C5orf47: variants seen among roughly 807,000 people sequenced by gnomAD.
The protein encoded by C5orf47 is uncharacterized protein C5orf47.
A neutral mutation model predicts 20.6 loss-of-function variants in C5orf47; 20 were observed. The ratio of observed to expected loss-of-function variants is 0.97; its 90% CI spans 0.68 to 1.41. The LOEUF is 1.41. C5orf47 is among the 40% of genes most tolerant of loss of function. The pLI is 0.00. For missense variants in C5orf47, 262 were observed against 238.4 expected, an observed-to-expected ratio of 1.10 and a Z score of -0.65; for synonymous variants, 106 against 97.3, an observed-to-expected ratio of 1.09 and a Z score of -0.53.
Position 173,999,796 on chromosome 5 carries a change from G to C in C5orf47, c.508G>C (p.Glu170Gln). The change falls in exon 3 of 5, where the codon GAA becomes CAA. Residue 170 changes from glutamate (E) to glutamine (Q), a missense_variant. Physicochemically the swap from Glu to Gln is conservative, Grantham distance 29 (BLOSUM62 2). Coordinates refer to ENST00000340147, the MANE Select transcript of C5orf47 (RefSeq NM_001144954.2). The part of the protein sequence containing the change: ...HRLKCQRLSS[E>Q]SSNYTR ...GCTGAAATGCCAAAGGTTATCTAGT[G>C]AAAGTAAGTTAACACAATTTTTATT... 6.7e-7 allele frequency: 1 copy of C among 1,499,530 alleles called. No homozygotes were observed. The highest frequency in any genetic ancestry group is 9.0e-7 in the Non-Finnish European group (1 of 1,107,750). The allele number at this position is 1,499,530 out of a possible 1,614,324, so 92.9% of individuals were successfully genotyped here. A position where few individuals can be genotyped will look rare whatever the true frequency, so the allele number is the denominator to read the frequency against.
downstream of C5orf47, among the ~76,000 whole-genome samples, chr5:174,006,768 A>G (rs1026844612): frequency 3.9e-5 from 6 of 152,144 alleles, no homozygotes; most frequent in Non-Finnish European, 8.8e-5. Flanking sequence ...CTGCTGCAGT[A>G]GTATTCCAGT....
Position 174,001,339 on chromosome 5 carries a change from G to A in C5orf47, c.*16+108G>A. 7.6e-6 allele frequency: 5 copies of A among 654,198 alleles called. No homozygotes were observed. In the South Asian group the frequency reaches 1.0e-4, roughly 14 times the overall value. 40.5% of individuals were successfully genotyped at this position (654,198 alleles called of 1,614,324 possible). ...GTATAACCAATCATTGCTAATTCCA[G>A]CCTATTTCCTTTCTTAAATACAGTG... is the stretch of plus-strand genomic sequence containing the variant. On this transcript the variant is annotated intron_variant, in intron 4 of 4. Transcript: ENST00000340147.
chr5:174,002,055 G>A (rs1759208793), intron 4 of C5orf47, among the ~76,000 whole-genome samples: 1 of 150,890 alleles, frequency 6.6e-6, no homozygotes, highest in Admixed American at 6.6e-5. Context: ...CTGGACTCAA[G>A]TGATCCTCCC....
At position 173,989,239 on chromosome 5, in the gene C5orf47, C is replaced by A; in HGVS notation, c.-25C>A. On this transcript the variant is annotated 5_prime_UTR_variant, in exon 1 of 5. Transcript: ENST00000340147. Reference sequence around the variant, plus strand: ...CTGTGGCGTCGTGTTTGCTGAGGGCCCGGCTGCCGTTGACTGAGGCTGCGA... The same window carrying A: ...CTGTGGCGTCGTGTTTGCTGAGGGCACGGCTGCCGTTGACTGAGGCTGCGA... 2.2e-6 allele frequency: 3 copies of A among 1,372,794 alleles called. No individual in the cohort carries two copies. The highest frequency in any genetic ancestry group is 3.8e-4 in the Middle Eastern group (2 of 5,302). 85.0% of individuals were successfully genotyped at this position (1,372,794 alleles called of 1,614,324 possible).
chr5:174,008,822 CAA>C (rs57488841), downstream of C5orf47, among the ~76,000 whole-genome samples: 358 of 75,466 alleles, frequency 4.7e-3, 2 homozygotes, highest in African/African-American at 0.013. Flanking sequence ...GACTCCATCT[CAA>C]AAAAAAAAAA....
intron 1 of C5orf47, among the ~76,000 whole-genome samples, chr5:173,996,857 A>C (rs1292207662): frequency 1.3e-5 from 2 of 152,210 alleles, no homozygotes; most frequent in Admixed American, 1.3e-4. Context: ...TCTTAATAAC[A>C]TACTGGTACC....
At chr5:173,991,643 C>T (rs1346467602) in intron 1 of C5orf47, among the ~76,000 whole-genome samples, 1 of 151,982 alleles carries the variant, frequency 6.6e-6, no homozygotes, top group Admixed American at 6.5e-5. Context: ...TTGTACCAAC[C>T]TTGCATTCCT....
At chr5:174,008,772 G>T (rs1759329381), downstream of C5orf47, among the ~76,000 whole-genome samples, 3 of 149,766 alleles carry the variant, frequency 2.0e-5, no homozygotes, top group Admixed American at 1.3e-4. Flanking sequence ...GGCGGAGCTT[G>T]CAGTGAGCCA....
At chr5:174,002,018 A>G (rs1026092893) in intron 4 of C5orf47, among the ~76,000 whole-genome samples, 18 of 151,416 alleles carry the variant, frequency 1.2e-4, no homozygotes, top group African/African-American at 3.6e-4. Context: ...TAGTGACTCA[A>G]TCGTAGCCCA....
chr5:173,994,343 A>G lies in C5orf47; in HGVS notation c.326-3810A>G, dbSNP rs1472548873. ...GGCAGCAGACCACCAAACAGTGACC[A>G]TGAGCTTTTTTTGGTGCAAGTTAGG... is the stretch of plus-strand genomic sequence containing the variant. On this transcript the variant is annotated intron_variant, in intron 1 of 4. Coordinates refer to ENST00000340147, the MANE Select transcript of C5orf47 (RefSeq NM_001144954.2). 3.3e-5 allele frequency among the ~76,000 whole-genome samples: 5 copies of G among 152,190 alleles called. No homozygotes were observed. The South Asian group carries it at 6.2e-4, about 19-fold the overall frequency.
rs1343400676 is a variant in C5orf47, at chr5:174,004,342, T to C, written c.*88T>C. On this transcript the variant is annotated 3_prime_UTR_variant, in exon 5 of 5. Coordinates refer to ENST00000340147, the MANE Select transcript of C5orf47 (RefSeq NM_001144954.2). Reference sequence around the variant, plus strand: ...TAAAGATGAAACATTAAATGAATCATAATTATTTGTTAATTTTGATGTGTT... The same window carrying C: ...TAAAGATGAAACATTAAATGAATCACAATTATTTGTTAATTTTGATGTGTT... 3 of 152,230 alleles carry C rather than the reference T, an allele frequency of 2.0e-5. No homozygotes were observed. Among genetic ancestry groups the C allele is most frequent in the Non-Finnish European group, 4.4e-5 (3 of 68,016 alleles). The allele number at this position is 152,230 out of a possible 1,614,324, so 9.4% of individuals were successfully genotyped here.
rs1399894872 is a variant in C5orf47, at chr5:174,001,257, A to G, written c.*16+26A>G. The G allele has an allele frequency of 5.6e-6, 7 of 1,256,674 alleles. No homozygotes were observed. The Admixed American group carries it at 1.3e-4, about 23-fold the overall frequency. The allele number at this position is 1,256,674 out of a possible 1,614,324, so 77.8% of individuals were successfully genotyped here. A position where few individuals can be genotyped will look rare whatever the true frequency, so the allele number is the denominator to read the frequency against. ...GTAAGAATTTATTTACGTAATAATT[A>G]TGGAATATAGATTTTATTCCCTTCC... On this transcript the variant is annotated intron_variant, in intron 4 of 4. Coordinates refer to ENST00000340147, the MANE Select transcript of C5orf47 (RefSeq NM_001144954.2).
chr5:173,990,144 G>A (rs916970081), intron 1 of C5orf47, among the ~76,000 whole-genome samples: 1 of 71,784 alleles, frequency 1.4e-5, no homozygotes, highest in Non-Finnish European at 3.0e-5. Context: ...TTTTTTTTTT[G>A]AGACGGGGTA....
chr5:174,002,835 T>A (rs534369169), intron 4 of C5orf47, among the ~76,000 whole-genome samples: 184 of 152,314 alleles, frequency 1.2e-3, no homozygotes, highest in Non-Finnish European at 2.4e-3. Flanking sequence ...CTGTTGTGTC[T>A]GTTTGGTCTT....
chr5:174,000,089 T>C (rs1279476555), intron 3 of C5orf47, among the ~76,000 whole-genome samples: 3 of 152,136 alleles, frequency 2.0e-5, no homozygotes, highest in Non-Finnish European at 4.4e-5. Context: ...AATGTGAATC[T>C]TAATGCCAAT....
At chr5:174,001,302 C>T (rs1759192789) in intron 4 of C5orf47, 71 bp downstream of exon 4, 1 of 844,662 alleles carries the variant, frequency 1.2e-6, no homozygotes, top group African/African-American at 1.7e-5. Context: ...CCTCCCTTCT[C>T]CAAACATTAG....
intron 2 of C5orf47, among the ~76,000 whole-genome samples, chr5:173,999,336 C>T (rs150852284): frequency 0.019 from 2,942 of 152,142 alleles, 44 homozygotes; most frequent in Middle Eastern, 0.031. Flanking sequence ...CAAATCATTG[C>T]CCAATGGTTT....
chr5:173,991,810 G>A (rs567624407), intron 1 of C5orf47, among the ~76,000 whole-genome samples: 1 of 152,188 alleles, frequency 6.6e-6, no homozygotes, highest in African/African-American at 2.4e-5. Context: ...TCAGAGCTGT[G>A]TTTACTTCAT....
chr5:174,002,590 C>T (rs1346378056), intron 4 of C5orf47, among the ~76,000 whole-genome samples: 1 of 146,772 alleles, frequency 6.8e-6, no homozygotes, highest in Non-Finnish European at 1.5e-5. Context: ...TTTGCTTGCT[C>T]ATTCTTCTTC....
Sources: gnomAD v4.1 joint callset for allele counts (sites outside exome capture counted in the v4.1 genomes callset) on GRCh38, gnomAD v4.1.1 for gene constraint, MANE v1.5 for transcripts, NCBI Gene and HGNC (gene_info 2026-07-23, HGNC 2026-07-21) for gene names.